Variants in KCNN2 observed in about 807,000 individuals in gnomAD.
KCNN2 encodes the protein small conductance calcium-activated potassium channel protein 2.
In KCNN2, 24 loss-of-function variants were observed where a neutral mutation model predicts 55.5. The observed-to-expected ratio is 0.43, with a 90% CI of 0.31 to 0.61. The LOEUF is 0.61. Among genes scored for constraint, KCNN2 ranks in the 20% least tolerant of loss-of-function variants. The pLI, the probability that KCNN2 is intolerant of heterozygous loss-of-function variation, is 0.08. For synonymous variants in KCNN2, 431 were observed against 336.1 expected (o/e 1.28, Z -3.09); for missense variants, 754 against 853.6 (o/e 0.88, Z 1.45).
intron 1 of KCNN2, among the ~76,000 whole-genome samples, chr5:114,200,852 T>G (rs1463554397): frequency 1.3e-5 from 2 of 152,140 alleles, no homozygotes; most frequent in African/African-American, 4.8e-5. Flanking sequence ...TGTGGTGAAA[T>G]TCAGCTGGGG....
intron 3 of KCNN2, among the ~76,000 whole-genome samples, chr5:114,415,243 C>T (rs1759269326): frequency 6.6e-6 from 1 of 152,156 alleles, no homozygotes; most frequent in Admixed American, 6.5e-5. Flanking sequence ...AGTTTGTTTT[C>T]TGTTTTTGGC....
At chr5:114,219,769 T>G (rs1754094461) in intron 1 of KCNN2, among the ~76,000 whole-genome samples, 1 of 152,152 alleles carries the variant, frequency 6.6e-6, no homozygotes, top group South Asian at 2.1e-4. Context: ...TGCCTAGAAT[T>G]TCTCTGCCCT....
chr5:114,294,281 T>C (rs1755961453), intron 2 of KCNN2, among the ~76,000 whole-genome samples: 1 of 152,156 alleles, frequency 6.6e-6, no homozygotes. Flanking sequence ...TTAATTGTGA[T>C]GTTAGGGTGT....
intron 3 of KCNN2, among the ~76,000 whole-genome samples, chr5:114,426,691 A>AT (rs1366821519): frequency 6.6e-6 from 1 of 152,182 alleles, no homozygotes; most frequent in Non-Finnish European, 1.5e-5. Flanking sequence ...AACTGTAGTC[A>AT]TTTTTACTGC....
chr5:114,368,660 T>C (rs573290003), intron 2 of KCNN2, among the ~76,000 whole-genome samples: 1 of 152,290 alleles, frequency 6.6e-6, no homozygotes, highest in South Asian at 2.1e-4. Context: ...AAATAACCAA[T>C]ACACATAATA....
chr5:114,255,012 C>T (rs1209609111), intron 2 of KCNN2, among the ~76,000 whole-genome samples: 1 of 152,058 alleles, frequency 6.6e-6, no homozygotes, highest in African/African-American at 2.4e-5. Flanking sequence ...TTTTTTGATG[C>T]ACCAAAAATG....
At chr5:114,371,601 TTGAGAC>T (rs1757760718) in intron 2 of KCNN2, among the ~76,000 whole-genome samples, 1 of 152,082 alleles carries the variant, frequency 6.6e-6, no homozygotes, top group South Asian at 2.1e-4. Context: ...TGTGGAGTGG[TTGAGAC>T]AGAAACAGAC....
At chr5:114,432,092 T>C (rs976238468) in intron 3 of KCNN2, among the ~76,000 whole-genome samples, 3 of 152,260 alleles carry the variant, frequency 2.0e-5, no homozygotes, top group African/African-American at 7.2e-5. Context: ...TCCAGTTGAT[T>C]GATGGTGGTC....
intron 2 of KCNN2, among the ~76,000 whole-genome samples, chr5:114,223,584 G>A (rs1395129902): frequency 1.3e-5 from 2 of 152,126 alleles, no homozygotes; most frequent in African/African-American, 4.8e-5. Flanking sequence ...GTCCAGTTAG[G>A]CGATAGAAAT....
At chr5:114,338,174 C>A (rs144368921) in intron 2 of KCNN2, among the ~76,000 whole-genome samples, 1 of 152,002 alleles carries the variant, frequency 6.6e-6, no homozygotes, top group South Asian at 2.1e-4. Flanking sequence ...TTTTTCAAGC[C>A]CAATTTGGTA....
intron 1 of KCNN2, among the ~76,000 whole-genome samples, chr5:114,070,192 A>G (rs774807468): frequency 6.6e-6 from 1 of 152,094 alleles, no homozygotes; most frequent in African/African-American, 2.4e-5. Flanking sequence ...TCATCCCTGG[A>G]CTAAAGTAAT....
intron 1 of KCNN2, among the ~76,000 whole-genome samples, chr5:114,148,344 T>C (rs1226007951): frequency 6.6e-6 from 1 of 152,166 alleles, no homozygotes; most frequent in African/African-American, 2.4e-5. Flanking sequence ...TGACTTTTTT[T>C]GTGCAACAAA....
intron 2 of KCNN2, among the ~76,000 whole-genome samples, chr5:114,381,610 C>G (rs1346137474): frequency 6.6e-6 from 1 of 152,204 alleles, no homozygotes; most frequent in East Asian, 1.9e-4. Context: ...TGATCGTCCT[C>G]TTCTAATTCT....
At position 114,271,934 on chromosome 5, in the gene KCNN2, A is replaced by G. The variant is rs74917617; in HGVS notation, c.-185+50369A>G. ...CTAGGGAGGAACTATTGTGCTAATG[A>G]GGAGTACATGAATTAATACCTGTAA... On this transcript the variant is annotated intron_variant, in intron 2 of 10. Coordinates refer to the KCNN2 transcript ENST00000512097. 6.0e-3 allele frequency among the ~76,000 whole-genome samples: 916 copies of G among 152,278 alleles called. 8 individuals are homozygous for G. Among genetic ancestry groups the G allele is most frequent in the African/African-American group, 0.021 (862 of 41,556 alleles).
Position 114,362,595 on chromosome 5 carries a change from G to C in KCNN2, c.456G>C (p.Ala152=). 1.3e-6 allele frequency: 1 copy of C among 787,314 alleles called. No individual in the cohort carries two copies. The allele number at this position is 787,314 out of a possible 1,614,324, so 48.8% of individuals were successfully genotyped here. ...CGCAGCAGTCCGCGCAGCAGTCGGC[G>C]TCCGCCTCCCAGTACCACCAGTGCC... ...QYAQQSAQQS[A]SASQYHQCHS... Residue 152 remains alanine (A), a synonymous_variant, in exon 1 of 8, where the codon GCG becomes GCC. Coordinates refer to ENST00000673685, the MANE Select transcript of KCNN2 (RefSeq NM_021614.4).
At chr5:114,076,085 T>A (rs1304617946) in intron 1 of KCNN2, among the ~76,000 whole-genome samples, 1 of 152,262 alleles carries the variant, frequency 6.6e-6, no homozygotes, top group African/African-American at 2.4e-5. Flanking sequence ...CTGATACTGC[T>A]GTGCAGGAAT....
intron 6 of KCNN2, among the ~76,000 whole-genome samples, chr5:114,493,144 T>C (rs1240551398): frequency 6.6e-6 from 1 of 152,178 alleles, no homozygotes; most frequent in Non-Finnish European, 1.5e-5. Flanking sequence ...TGAGTCTTTC[T>C]GAATTCAACT....
intron 3 of KCNN2, among the ~76,000 whole-genome samples, chr5:114,437,287 C>T (rs960539115): frequency 2.6e-5 from 4 of 152,110 alleles, no homozygotes; most frequent in African/African-American, 9.7e-5. Context: ...GAATTGAAAA[C>T]AGTGCCTGCT....
chr5:114,204,051 T>C (rs1224463608), intron 1 of KCNN2, among the ~76,000 whole-genome samples: 1 of 152,152 alleles, frequency 6.6e-6, no homozygotes, highest in African/African-American at 2.4e-5. Context: ...CATTTCCATT[T>C]TGTGATATGT....
Sources: gnomAD v4.1 joint callset for allele counts (sites outside exome capture counted in the v4.1 genomes callset) on GRCh38, gnomAD v4.1.1 for gene constraint, MANE v1.5 for transcripts, NCBI Gene and HGNC (gene_info 2026-07-23, HGNC 2026-07-21) for gene names.